DMD: variants seen among roughly 807,000 people sequenced by gnomAD.
DMD encodes the protein dystrophin.
In DMD, 63 loss-of-function variants were observed where a neutral mutation model predicts 330.1. That is an observed-to-expected ratio of 0.19 (90% CI 0.16 to 0.24). The LOEUF is 0.24. Ranked by LOEUF, DMD falls within the 10% of genes least tolerant of loss-of-function variation. The pLI is 1.00. For synonymous variants in DMD, 1,223 were observed against 959.8 expected, an observed-to-expected ratio of 1.27 and a Z score of -5.07; for missense variants, 3,344 against 2,684.1, an observed-to-expected ratio of 1.25 and a Z score of -5.43.
chrX:32,887,246 C>A (rs948995709), intron 2 of DMD, among the ~76,000 whole-genome samples: 1 of 109,666 alleles, frequency 9.1e-6, no homozygotes. Context: ...ACTTGGGAGG[C>A]TGAGGCAGGA....
intron 1 of DMD, among the ~76,000 whole-genome samples, chrX:33,036,275 A>G (rs910812865): frequency 8.9e-6 from 1 of 111,983 alleles, no homozygotes; most frequent in Non-Finnish European, 1.9e-5. Context: ...TTTAGGATTT[A>G]AAGTTTGATA....
intron 44 of DMD, among the ~76,000 whole-genome samples, chrX:32,004,623 T>C (rs889370320): frequency 4.8e-4 from 54 of 111,728 alleles, no homozygotes; most frequent in Non-Finnish European, 8.5e-4. Flanking sequence ...GATGAACATG[T>C]CCATCAGAGT....
chrX:32,136,525 A>C (rs766286468), intron 44 of DMD, among the ~76,000 whole-genome samples: 2 of 108,590 alleles, frequency 1.8e-5, no homozygotes, highest in African/African-American at 3.4e-5. Context: ...TGCAGATTAC[A>C]AGAGAAAGTG....
chrX:32,349,507 G>A (rs1603631384), intron 37 of DMD, among the ~76,000 whole-genome samples: 1 of 111,002 alleles, frequency 9.0e-6, no homozygotes, highest in Non-Finnish European at 1.9e-5. Flanking sequence ...CGTGTCTTTT[G>A]CCAAGACGAT....
rs769567489 is a variant in DMD, at chrX:32,345,924, A to G, written c.5586+19T>C. The G allele has an allele frequency of 3.3e-6, 4 of 1,204,507 alleles. No individual in the cohort carries two copies. In the East Asian group the frequency reaches 9.0e-5, roughly 27 times the overall value. On this transcript the variant is annotated intron_variant, in intron 39 of 78. Transcript: ENST00000357033. ...AAAAAAACCACAGGCAAGGTATATT[A>G]TAATTTTAGCTCTAATACCTTGAGA... is the stretch of plus-strand genomic sequence containing the variant.
intron 47 of DMD, among the ~76,000 whole-genome samples, chrX:31,887,721 T>A (rs1224809383): frequency 9.0e-6 from 1 of 111,719 alleles, no homozygotes; most frequent in Non-Finnish European, 1.9e-5. Context: ...AGTTATTACT[T>A]TTTTCTTTAT....
chrX:31,618,747 T>C lies in DMD; in HGVS notation c.8217+8926A>G, dbSNP rs2078358452. Among the ~76,000 whole-genome samples the C allele has an allele frequency of 2.7e-5, 3 of 111,628 alleles. No homozygotes were observed. The South Asian group carries it at 1.1e-3, about 42-fold the overall frequency. On this transcript the variant is annotated intron_variant, in intron 55 of 78. Coordinates refer to ENST00000357033, the MANE Select transcript of DMD (RefSeq NM_004006.3). The stretch of plus-strand genomic sequence containing the variant: ...TCCAAAAAACTCTAAAAGCTGAAAA[T>C]TTTTGAGCGCCGACATGATTCTCAA...
intron 43 of DMD, among the ~76,000 whole-genome samples, chrX:32,276,552 A>C (rs73221105): frequency 0.13 from 13,927 of 111,249 alleles, 867 homozygotes; most frequent in Non-Finnish European, 0.18. Context: ...TCACAGTAGG[A>C]TAGGGCACTG....
intron 1 of DMD, among the ~76,000 whole-genome samples, chrX:33,203,342 G>A (rs1346289305): frequency 8.9e-6 from 1 of 112,081 alleles, no homozygotes; most frequent in Non-Finnish European, 1.9e-5. Flanking sequence ...TCATTATACA[G>A]TAGTCAGTTG....
chrX:32,756,149 G>T (rs2071477065), intron 7 of DMD: 2 of 112,230 alleles, frequency 1.8e-5, no homozygotes, highest in Admixed American at 9.5e-5. Flanking sequence ...AAATGCATTT[G>T]TTCCACAGAA....
At chrX:32,352,390 T>C (rs750443608) in intron 37 of DMD, among the ~76,000 whole-genome samples, 9 of 111,073 alleles carry the variant, frequency 8.1e-5, no homozygotes, top group African/African-American at 3.2e-5. Context: ...AAAAAACAGA[T>C]AAAATTAATT....
chrX:32,886,904 C>T (rs1210768076), intron 2 of DMD, among the ~76,000 whole-genome samples: 1 of 111,656 alleles, frequency 9.0e-6, no homozygotes, highest in African/African-American at 3.3e-5. Context: ...AAATATAGCA[C>T]GATCACATCT....
At chrX:33,303,532 C>A (rs943085174) in intron 1 of DMD, among the ~76,000 whole-genome samples, 1 of 111,207 alleles carries the variant, frequency 9.0e-6, no homozygotes, top group Non-Finnish European at 1.9e-5. Context: ...TATGGTTTGT[C>A]TGTGTCCCCA....
rs148740089 is a variant in DMD at position 33,225,680 on chromosome X, A to G, written c.7+113579T>C. On this transcript the variant is annotated intron_variant, in intron 1 of 17. Coordinates refer to the DMD transcript ENST00000288447. Reference sequence around the variant, plus strand: ...AGGAGGAGTTCTTAGATTTGACGTTAAAATCGTGTGCCTTAAAAGACACAA... The same window carrying G: ...AGGAGGAGTTCTTAGATTTGACGTTGAAATCGTGTGCCTTAAAAGACACAA... 7.0e-3 allele frequency among the ~76,000 whole-genome samples: 780 copies of G among 111,530 alleles called. 6 individuals are homozygous for G. Among genetic ancestry groups the G allele is most frequent in the African/African-American group, 0.024 (747 of 30,782 alleles).
At chrX:32,308,143 T>C (rs73221139) in intron 42 of DMD, among the ~76,000 whole-genome samples, 1,727 of 110,687 alleles carry the variant, frequency 0.016, 14 homozygotes, top group South Asian at 0.033. Context: ...CATGATTAGG[T>C]AGCTTTCCAA....
intron 76 of DMD, among the ~76,000 whole-genome samples, chrX:31,145,087 CT>C (rs2036529549): frequency 8.9e-6 from 1 of 112,231 alleles, no homozygotes; most frequent in Non-Finnish European, 1.9e-5. Context: ...AGGCTTCCTT[CT>C]TACTTGGTAA....
chrX:32,028,529 G>T (rs1468711240), intron 44 of DMD, among the ~76,000 whole-genome samples: 3 of 111,663 alleles, frequency 2.7e-5, no homozygotes, highest in Non-Finnish European at 5.7e-5. Flanking sequence ...GGCAGTACAT[G>T]TTCATTCAAC....
rs750069825 is a variant in DMD at position 32,818,563 on chromosome X, C to T, written c.358-1923G>A. 6.3e-5 allele frequency among the ~76,000 whole-genome samples: 7 copies of T among 111,461 alleles called. No individual in the cohort carries two copies. In the East Asian group the frequency reaches 8.5e-4, roughly 14 times the overall value. ...TTAAACAGATGTATTTGTGTGTGTG[C>T]GCGCATACAACTATAAATCAATTTT... is the stretch of plus-strand genomic sequence containing the variant. On this transcript the variant is annotated intron_variant, in intron 5 of 78. Coordinates refer to ENST00000357033, the MANE Select transcript of DMD (RefSeq NM_004006.3).
At chrX:33,323,207 T>C (rs2054039855) in intron 1 of DMD, among the ~76,000 whole-genome samples, 1 of 112,063 alleles carries the variant, frequency 8.9e-6, no homozygotes, top group Non-Finnish European at 1.9e-5. Context: ...ATTAGGAAAT[T>C]AACCAATTTT....
Sources: allele counts gnomAD v4.1 joint callset (sites outside exome capture counted in the v4.1 genomes callset), GRCh38; gene constraint gnomAD v4.1.1; transcripts MANE v1.5; gene names NCBI Gene and HGNC (gene_info 2026-07-23, HGNC 2026-07-21).